NUBPL: variants seen among roughly 807,000 people sequenced by gnomAD.
NUBPL encodes NUBP iron-sulfur cluster assembly factor, mitochondrial.
Under a neutral mutation model 45.7 loss-of-function variants are expected in NUBPL, and 31 were observed. The ratio of observed to expected loss-of-function variants is 0.68; its 90% CI spans 0.51 to 0.92. The LOEUF is 0.92. Among genes scored for constraint, NUBPL ranks in the 40% least tolerant of loss-of-function variants. The pLI is 0.00. For synonymous variants in NUBPL, 144 were observed against 140.9 expected (o/e 1.02, Z -0.15); for missense variants, 401 against 398.7 (o/e 1.01, Z -0.05).
intron 6 of NUBPL, among the ~76,000 whole-genome samples, chr14:31,758,506 T>A (rs1178595862): frequency 6.6e-6 from 1 of 152,182 alleles, no homozygotes; most frequent in Non-Finnish European, 1.5e-5. Flanking sequence ...GCATTTTCCG[T>A]AATTAATGTC....
At chr14:31,685,345 A>T (rs2139844576) in intron 6 of NUBPL, among the ~76,000 whole-genome samples, 1 of 152,304 alleles carries the variant, frequency 6.6e-6, no homozygotes, top group South Asian at 2.1e-4. Flanking sequence ...ATAGGGGTTT[A>T]AGAATACATT....
At chr14:31,739,212 A>T (rs867018330) in intron 6 of NUBPL, among the ~76,000 whole-genome samples, 2 of 94,760 alleles carry the variant, frequency 2.1e-5, no homozygotes, top group African/African-American at 3.0e-5. Context: ...CTATATATAT[A>T]TTATATTATA....
intron 7 of NUBPL, among the ~76,000 whole-genome samples, chr14:31,824,986 T>A (rs576301299): frequency 4.5e-4 from 69 of 152,336 alleles, no homozygotes; most frequent in South Asian, 1.0e-3. Flanking sequence ...CAGGCCTTTG[T>A]TGTTTTGACC....
chr14:31,597,951 A>G (rs577815492), intron 3 of NUBPL, among the ~76,000 whole-genome samples: 2 of 152,170 alleles, frequency 1.3e-5, no homozygotes, highest in East Asian at 3.9e-4. Context: ...TTGTGGTTTA[A>G]AAAATAGTTA....
At chr14:31,681,860 T>C (rs1452358141) in intron 6 of NUBPL, among the ~76,000 whole-genome samples, 1 of 152,162 alleles carries the variant, frequency 6.6e-6, no homozygotes, top group Non-Finnish European at 1.5e-5. Flanking sequence ...CATTGATTTC[T>C]AGTGTAATTT....
chr14:31,648,100 T>C (rs2035904529), intron 4 of NUBPL, among the ~76,000 whole-genome samples: 1 of 152,196 alleles, frequency 6.6e-6, no homozygotes, highest in South Asian at 2.1e-4. Context: ...TTGTATCTTT[T>C]CTGTCAGCAA....
intron 6 of NUBPL, among the ~76,000 whole-genome samples, chr14:31,738,923 A>C (rs1311735691): frequency 1.3e-5 from 2 of 152,150 alleles, no homozygotes; most frequent in Admixed American, 6.5e-5. Flanking sequence ...GTCAGCTTCA[A>C]AATTTTAGAG....
chr14:31,720,559 T>G (rs528329617), intron 6 of NUBPL, among the ~76,000 whole-genome samples: 1 of 152,312 alleles, frequency 6.6e-6, no homozygotes, highest in African/African-American at 2.4e-5. Context: ...GTCCTTTGTG[T>G]ACTTTGTTTC....
chr14:31,594,432 C>G (rs2034229519), intron 3 of NUBPL, among the ~76,000 whole-genome samples: 1 of 152,182 alleles, frequency 6.6e-6, no homozygotes, highest in Admixed American at 6.5e-5. Flanking sequence ...AAAAAGAAAT[C>G]TGCCATTTAT....
chr14:31,835,881 C>G (rs533836273), intron 8 of NUBPL, among the ~76,000 whole-genome samples: 1 of 152,252 alleles, frequency 6.6e-6, no homozygotes, highest in Non-Finnish European at 1.5e-5. Context: ...TATTATCATT[C>G]ATTATTTAAC....
intron 8 of NUBPL, among the ~76,000 whole-genome samples, chr14:31,831,503 CATACCATACCATACT>C (rs1179814823): frequency 4.6e-5 from 7 of 151,856 alleles, no homozygotes; most frequent in African/African-American, 1.7e-4. Flanking sequence ...CATACCATAC[CATACCATACCATACT>C]ATACTCATAC....
chr14:31,760,394 C>T (rs765956308), intron 6 of NUBPL, among the ~76,000 whole-genome samples: 10 of 151,924 alleles, frequency 6.6e-5, no homozygotes, highest in Non-Finnish European at 1.3e-4. Flanking sequence ...CTGAAGCAGT[C>T]CGTCCACCTC....
At chr14:31,744,671 G>C (rs1341212872) in intron 6 of NUBPL, among the ~76,000 whole-genome samples, 2 of 138,746 alleles carry the variant, frequency 1.4e-5, no homozygotes, top group Non-Finnish European at 3.0e-5. Context: ...ACCCGGGCTG[G>C]AATGCAGTGG....
chr14:31,815,868 C>T (rs2138925416), intron 7 of NUBPL, among the ~76,000 whole-genome samples: 1 of 152,300 alleles, frequency 6.6e-6, no homozygotes, highest in East Asian at 1.9e-4. Context: ...ACCAGCCTTG[C>T]ATGCCAGGGA....
At chr14:31,672,835 A>G (rs1056401556) in intron 4 of NUBPL, among the ~76,000 whole-genome samples, 2 of 152,226 alleles carry the variant, frequency 1.3e-5, no homozygotes, top group African/African-American at 4.8e-5. Context: ...TATTGGAAAT[A>G]GTATGCTTGG....
chr14:31,715,419 C>T (rs1229526809), intron 6 of NUBPL, among the ~76,000 whole-genome samples: 4 of 152,128 alleles, frequency 2.6e-5, no homozygotes, highest in East Asian at 3.9e-4. Flanking sequence ...TGTCATTGTG[C>T]GAACATCATA....
At chr14:31,645,774 A>ACT (rs1555323285) in intron 4 of NUBPL, among the ~76,000 whole-genome samples, 3 of 82,788 alleles carry the variant, frequency 3.6e-5, no homozygotes, top group African/African-American at 1.3e-4. Context: ...TATACTTTAC[A>ACT]CCCCCCCCCC....
rs8006872 is a variant in NUBPL at position 31,846,695 on chromosome 14, A to G, written c.814+104A>G. ...TCAGAGGCCGGGCACGGAGTCTCAC[A>G]CCTGTAATCCCAGCACTTTGGGAGG... On this transcript the variant is annotated intron_variant, in intron 9 of 10. Transcript: ENST00000281081. 1,536,734 of 1,537,058 alleles carry G rather than the reference A, an allele frequency of 1. 768,206 individuals carry two copies. Among genetic ancestry groups the G allele is most frequent in the Middle Eastern group, 1 (5,916 of 5,916 alleles).
rs978340993 is a variant in NUBPL at position 31,562,922 on chromosome 14, T to C, written c.256+707T>C. The stretch of plus-strand genomic sequence containing the variant: ...CGCGCCCTGCCTACTAGCTCATTTT[T>C]CCCCATTTTTATCAGAAGGGAATTC... On this transcript the variant is annotated intron_variant, in intron 2 of 10. Transcript: ENST00000281081. 6 of 154,014 alleles carry C rather than the reference T, an allele frequency of 3.9e-5. No homozygotes were observed. The Admixed American group carries it at 3.9e-4, about 10-fold the overall frequency. The allele number at this position is 154,014 out of a possible 1,614,324, so 9.5% of individuals were successfully genotyped here.
Sources: gnomAD v4.1 joint callset for allele counts (sites outside exome capture counted in the v4.1 genomes callset) on GRCh38, gnomAD v4.1.1 for gene constraint, MANE v1.5 for transcripts, NCBI Gene and HGNC (gene_info 2026-07-23, HGNC 2026-07-21) for gene names.